The following MPZL3 variants were observed in gnomAD, a reference collection of about 807,000 sequenced individuals.
MPZL3 encodes myelin protein zero-like protein 3.
Under a neutral mutation model 24.8 loss-of-function variants are expected in MPZL3, and 23 were observed. The observed-to-expected ratio is 0.93, with a 90% CI of 0.67 to 1.31. The LOEUF is 1.31. Ranked by LOEUF, MPZL3 falls within the 40% of genes most tolerant of loss-of-function variation. MPZL3 has a pLI of 0.00. For missense variants in MPZL3, 277 were observed against 294.9 expected (o/e 0.94, Z 0.44); for synonymous variants, 99 against 106.5 (o/e 0.93, Z 0.44).
At chr11:118,251,193 T>G (rs1949616658) in intron 1 of MPZL3, among the ~76,000 whole-genome samples, 1 of 151,434 alleles carries the variant, frequency 6.6e-6, no homozygotes, top group South Asian at 2.1e-4. Context: ...GCAAAGTAAT[T>G]TAGCTTAAAA....
At chr11:118,234,283 A>G (rs1439239565) in intron 4 of MPZL3, among the ~76,000 whole-genome samples, 2 of 152,200 alleles carry the variant, frequency 1.3e-5, no homozygotes, top group African/African-American at 4.8e-5. Flanking sequence ...ATGCAGTGTG[A>G]TAAGTGTTTT....
intron 4 of MPZL3, among the ~76,000 whole-genome samples, chr11:118,234,748 CACACACACAG>C (rs1949400848): frequency 6.6e-6 from 1 of 151,980 alleles, no homozygotes; most frequent in South Asian, 2.1e-4. Flanking sequence ...CACATACACA[CACACACACAG>C]AGAGAGATTG....
chr11:118,231,805 C>T (rs1370354093), intron 5 of MPZL3, among the ~76,000 whole-genome samples: 1 of 152,114 alleles, frequency 6.6e-6, no homozygotes, highest in Non-Finnish European at 1.5e-5. Flanking sequence ...AATACAACCA[C>T]TCCTCACCAC....
intron 2 of MPZL3, among the ~76,000 whole-genome samples, chr11:118,238,205 G>A (rs1027479973): frequency 3.0e-4 from 46 of 152,036 alleles, no homozygotes; most frequent in Non-Finnish European, 4.7e-4. Context: ...GTTGCTCTAC[G>A]GTATACAACT....
In MPZL3 at chr11:118,226,698, G is replaced by A. The variant is rs530107408; in HGVS notation, c.*3196C>T. 1.3e-5 allele frequency: 2 copies of A among 152,256 alleles called. No individual in the cohort carries two copies. The highest frequency in any genetic ancestry group is 4.8e-5 in the African/African-American group (2 of 41,518). 9.4% of individuals were successfully genotyped at this position (152,256 alleles called of 1,614,324 possible). On this transcript the variant is annotated 3_prime_UTR_variant, in exon 6 of 6. Transcript: ENST00000278949. ...ATGCACACACCAAAAGGTAGCCAAAGGGTACAAAGAAGTTTATTGACTATG... is the reference window on the plus strand; with the variant it reads ...ATGCACACACCAAAAGGTAGCCAAAAGGTACAAAGAAGTTTATTGACTATG...
At chr11:118,231,996 T>C (rs979214152) in intron 5 of MPZL3, among the ~76,000 whole-genome samples, 3 of 152,160 alleles carry the variant, frequency 2.0e-5, no homozygotes, top group Non-Finnish European at 2.9e-5. Flanking sequence ...TCCCAAACCC[T>C]CCAATGGATT....
chr11:118,249,369 T>A (rs1389832896), intron 1 of MPZL3, among the ~76,000 whole-genome samples: 3 of 152,144 alleles, frequency 2.0e-5, no homozygotes, highest in African/African-American at 7.2e-5. Context: ...AAAAATGTTT[T>A]AAAACCAATG....
At chr11:118,239,836 G>C (rs1357068639) in intron 2 of MPZL3, among the ~76,000 whole-genome samples, 3 of 152,192 alleles carry the variant, frequency 2.0e-5, no homozygotes. Context: ...GCAGCCTTAA[G>C]AGAAAGGATG....
At chr11:118,245,700 C>G (rs1257602710) in intron 1 of MPZL3, among the ~76,000 whole-genome samples, 3 of 152,152 alleles carry the variant, frequency 2.0e-5, no homozygotes, top group Non-Finnish European at 2.9e-5. Context: ...GGAAAGGGAA[C>G]AAACTAAAAA....
intron 1 of MPZL3, among the ~76,000 whole-genome samples, chr11:118,243,413 T>C (rs1949521839): frequency 6.6e-6 from 1 of 152,232 alleles, no homozygotes; most frequent in African/African-American, 2.4e-5. Context: ...TCCCTTTTCC[T>C]ATGCGAGGCC....
intron 1 of MPZL3, among the ~76,000 whole-genome samples, chr11:118,249,838 A>C (rs918794182): frequency 2.6e-5 from 4 of 152,280 alleles, no homozygotes; most frequent in African/African-American, 9.6e-5. Flanking sequence ...AAGTGGTCTT[A>C]TCTTTGAAAA....
At position 118,229,186 on chromosome 11, in the gene MPZL3, T is replaced by C. The variant is rs1485401988; in HGVS notation, c.*708A>G. On this transcript the variant is annotated 3_prime_UTR_variant, in exon 6 of 6. Transcript: ENST00000278949. Reference sequence around the variant, plus strand: ...AATAACAAAGACTCCTTAGCCCAAATTGTACCAGCAAGACTAAAGAAAATA... The same window carrying C: ...AATAACAAAGACTCCTTAGCCCAAACTGTACCAGCAAGACTAAAGAAAATA... 6.8e-6 allele frequency: 1 copy of C among 147,132 alleles called. No homozygotes were observed. Among genetic ancestry groups the C allele is most frequent in the Non-Finnish European group, 1.5e-5 (1 of 66,970 alleles). The allele number at this position is 147,132 out of a possible 1,614,324, so 9.1% of individuals were successfully genotyped here. A position where few individuals can be genotyped will look rare whatever the true frequency, so the allele number is the denominator to read the frequency against.
intron 1 of MPZL3, among the ~76,000 whole-genome samples, chr11:118,240,732 GACACACAC>G (rs56100329): frequency 0.39 from 47,218 of 121,464 alleles, 9,435 homozygotes; most frequent in South Asian, 0.55. Context: ...ATCCCCCGCA[GACACACAC>G]ACACACACAC....
At chr11:118,232,015 T>C (rs1189058706) in intron 5 of MPZL3, among the ~76,000 whole-genome samples, 2 of 152,236 alleles carry the variant, frequency 1.3e-5, no homozygotes, top group African/African-American at 2.4e-5. Flanking sequence ...TTCCATTTCA[T>C]TGAGTAGAAG....
chr11:118,240,372 A>G lies in MPZL3; in HGVS notation c.79T>C (p.Tyr27His). Residue 27 changes from tyrosine to histidine, a missense_variant, in exon 2 of 6, where the codon TAT becomes CAT. Transcript: ENST00000278949. ...CGAATCTCCAAGGAAAAGACGATAT[A>G]AACACCTAATCAAAGCAAACCCAAA... ...LLGVLFFQGV[Y>H]IVFSLEIRAD... is the part of the protein sequence containing the mutation. 1 of 1,604,842 alleles carries G rather than the reference A, an allele frequency of 6.2e-7. No homozygotes were observed. The highest frequency in any genetic ancestry group is 8.5e-7 in the Non-Finnish European group (1 of 1,176,900).
intron 4 of MPZL3, among the ~76,000 whole-genome samples, chr11:118,234,655 G>A (rs1012202854): frequency 6.6e-6 from 1 of 151,986 alleles, no homozygotes; most frequent in African/African-American, 2.4e-5. Context: ...TTTACCAAGA[G>A]TTCTTTGTCT....
At chr11:118,231,811 A>ACCACCT (rs1949355484) in intron 5 of MPZL3, among the ~76,000 whole-genome samples, 1 of 151,966 alleles carries the variant, frequency 6.6e-6, no homozygotes, top group Non-Finnish European at 1.5e-5. Flanking sequence ...ACCACTCCTC[A>ACCACCT]CCACCTCCAC....
At chr11:118,239,908 AT>A (rs1345696701) in intron 2 of MPZL3, among the ~76,000 whole-genome samples, 7 of 152,230 alleles carry the variant, frequency 4.6e-5, no homozygotes, top group Admixed American at 1.3e-4. Flanking sequence ...TTTTTAGTAC[AT>A]TAAATCTGAA....
At position 118,240,375 on chromosome 11, in the gene MPZL3, C is replaced by T. The variant is rs536609744; in HGVS notation, c.76G>A (p.Val26Ile). The change falls in exon 2 of 6, where the codon GTT becomes ATT. Residue 26 changes from valine to isoleucine, a missense_variant and splice_region_variant. Physicochemically the swap from Val to Ile is conservative, Grantham distance 29. Transcript: ENST00000278949. ...PLLGVLFFQG[V>I]YIVFSLEIRA... The stretch of plus-strand genomic sequence containing the variant: ...ATCTCCAAGGAAAAGACGATATAAA[C>T]ACCTAATCAAAGCAAACCCAAACAC... 6.2e-7 allele frequency: 1 copy of T among 1,603,706 alleles called. No homozygotes were observed. The highest frequency in any genetic ancestry group is 8.5e-7 in the Non-Finnish European group (1 of 1,176,470).
Sources: allele counts gnomAD v4.1 joint callset (sites outside exome capture counted in the v4.1 genomes callset), GRCh38; gene constraint gnomAD v4.1.1; transcripts MANE v1.5; gene names NCBI Gene and HGNC (gene_info 2026-07-23, HGNC 2026-07-21).